MAN2A2: variants seen among roughly 807,000 people sequenced by gnomAD.
MAN2A2 encodes the protein alpha-mannosidase 2x.
In MAN2A2, 79 loss-of-function variants were observed where a neutral mutation model predicts 126.8. That is an observed-to-expected ratio of 0.62 (90% CI 0.52 to 0.75). The LOEUF is 0.75. Ranked by LOEUF, MAN2A2 falls within the 30% of genes least tolerant of loss-of-function variation. The pLI, the probability that MAN2A2 is intolerant of heterozygous loss-of-function variation, is 0.00. For missense variants in MAN2A2, 1,392 were observed against 1,522.4 expected (o/e 0.91, Z 1.43); for synonymous variants, 671 against 618.7 (o/e 1.08, Z -1.25).
chr15:90,919,075 C>G (rs756106116), intron 22 of MAN2A2, among the ~76,000 whole-genome samples: 1 of 152,200 alleles, frequency 6.6e-6, no homozygotes, highest in African/African-American at 2.4e-5. Flanking sequence ...TAAATGTCCC[C>G]GGGTGCCAGG....
In MAN2A2 at chr15:90,905,662, G is replaced by T. The variant is rs748811916; in HGVS notation, c.474G>T (p.Pro158=). The change falls in exon 4 of 23, where the codon CCG becomes CCT. Residue 158 remains proline, a synonymous_variant. Transcript: ENST00000559717. ...WRQGFDISYD[P]HDWDAEDLQV... The stretch of plus-strand genomic sequence containing the variant: ...AAGGCTTCGACATCTCCTACGACCC[G>T]CACGACTGGGATGCTGAAGACCTGC... 5 of 1,614,124 alleles carry T rather than the reference G, an allele frequency of 3.1e-6. No homozygotes were observed. Among genetic ancestry groups the T allele is most frequent in the Admixed American group, 1.7e-5 (1 of 60,020 alleles).
At position 90,910,152 on chromosome 15, in the gene MAN2A2, A is replaced by C; in HGVS notation, c.1437A>C (p.Pro479=). 6.2e-7 allele frequency: 1 copy of C among 1,614,066 alleles called. No homozygotes were observed. Among genetic ancestry groups the C allele is most frequent in the Non-Finnish European group, 8.5e-7 (1 of 1,179,996 alleles). ...DALYKRTGVE[P]GARPPGFPVL... ...TGTACAAGAGGACAGGGGTGGAGCCAGGGGCCCGGCCTCCAGGGTTTCCTG... is the reference window on the plus strand; with the variant it reads ...TGTACAAGAGGACAGGGGTGGAGCCCGGGGCCCGGCCTCCAGGGTTTCCTG... The change falls in exon 10 of 23, where the codon CCA becomes CCC. Residue 479 remains proline, a synonymous_variant. Transcript: ENST00000559717.
chr15:90,906,102 A>G (rs925587295), intron 5 of MAN2A2, 86 bp downstream of exon 5: 5 of 1,568,558 alleles, frequency 3.2e-6, no homozygotes, highest in Admixed American at 1.7e-5. Flanking sequence ...ATGGGTGCCA[A>G]GGTGGCAGGG....
At position 90,904,261 on chromosome 15, in the gene MAN2A2, A is replaced by C. The variant is rs2034068700; in HGVS notation, c.54A>C (p.Ala18=). The C allele has an allele frequency of 6.2e-7, 1 of 1,614,092 alleles. No homozygotes were observed. The highest frequency in any genetic ancestry group is 1.7e-5 in the Admixed American group (1 of 60,002). ...GTGGGGCTGCCATCTTCTGTGTGGCAGTCTTCTCGCTCTACCTCATGCTGG... is the reference window on the plus strand; with the variant it reads ...GTGGGGCTGCCATCTTCTGTGTGGCCGTCTTCTCGCTCTACCTCATGCTGG... The part of the protein sequence containing the change: ...TVCGAAIFCV[A]VFSLYLMLDR... The change falls in exon 2 of 23, where the codon GCA becomes GCC. Residue 18 remains alanine, a synonymous_variant. Transcript: ENST00000559717.
chr15:90,911,273 G>A, intron 13 of MAN2A2, 35 bp downstream of exon 13: 1 of 1,613,626 alleles, frequency 6.2e-7, no homozygotes, highest in Non-Finnish European at 8.5e-7. Context: ...GAGAGGCAGA[G>A]CCATTCCCTG....
chr15:90,910,194 C>T lies in MAN2A2; in HGVS notation c.1479C>T (p.Phe493=), dbSNP rs2034612676. 6 of 1,614,192 alleles carry T rather than the reference C, an allele frequency of 3.7e-6. No homozygotes were observed. The highest frequency in any genetic ancestry group is 5.1e-6 in the Non-Finnish European group (6 of 1,180,026). ...PPGFPVLSGD[F]FSYADREDHY... ...GGTTTCCTGTGCTGAGCGGGGATTTCTTCTCCTATGCGGACCGGGAGGATC... is the reference window on the plus strand; with the variant it reads ...GGTTTCCTGTGCTGAGCGGGGATTTTTTCTCCTATGCGGACCGGGAGGATC... Residue 493 remains phenylalanine (F), a synonymous_variant, in exon 10 of 23, where the codon TTC becomes TTT. Coordinates refer to ENST00000559717, the MANE Select transcript of MAN2A2 (RefSeq NM_006122.4).
rs760197681 is a variant in MAN2A2 at position 90,913,624 on chromosome 15, G to A, written c.2729G>A (p.Arg910Gln). The change falls in exon 19 of 23, where the codon CGA (arginine) becomes CAA (glutamine). Residue 910 changes from arginine (R) to glutamine (Q), a missense_variant. Coordinates refer to ENST00000559717, the MANE Select transcript of MAN2A2 (RefSeq NM_006122.4). Reference protein sequence around the residue: ...TDLNGFQVQPRRYLKKLPLQA... With the variant: ...TDLNGFQVQPQRYLKKLPLQA... ...GCCTTGCCCCCACAGGTGCAGCCCC[G>A]ACGGTATCTGAAGAAGCTCCCCCTC... The A allele has an allele frequency of 3.7e-6, 6 of 1,612,220 alleles. No homozygotes were observed. The highest frequency in any genetic ancestry group is 1.1e-5 in the South Asian group (1 of 90,676).
At chr15:90,913,070 C>G in intron 17 of MAN2A2, 79 bp downstream of exon 17, 3 of 1,259,776 alleles carry the variant, frequency 2.4e-6, no homozygotes, top group Non-Finnish European at 3.4e-6. Context: ...TCTGCTGCTT[C>G]TCTGTTCATA....
intron 18 of MAN2A2, 98 bp from the exon 19 acceptor site, chr15:90,913,516 T>C: frequency 6.4e-7 from 1 of 1,563,256 alleles, no homozygotes; most frequent in Non-Finnish European, 8.7e-7. Flanking sequence ...GAAAGATGAA[T>C]GAGAGGCGAA....
chr15:90,905,276 G>C lies in MAN2A2; in HGVS notation c.158G>C (p.Arg53Pro). The change falls in exon 3 of 23, where the codon CGC becomes CCC. Residue 53 changes from arginine (R) to proline (P), a missense_variant. Coordinates refer to ENST00000559717, the MANE Select transcript of MAN2A2 (RefSeq NM_006122.4). The part of the protein sequence containing the change: ...PRSQISVLQN[R>P]IEQLEQLLEE... ...AGCCAAATTTCTGTGCTGCAGAACC[G>C]CATTGAGCAGCTGGAGCAGCTTTTG... The C allele has an allele frequency of 1.2e-6, 2 of 1,613,272 alleles. No homozygotes were observed. The highest frequency in any genetic ancestry group is 8.5e-7 in the Non-Finnish European group (1 of 1,180,026).
Position 90,920,768 on chromosome 15 carries a change from A to G in MAN2A2, c.*981A>G, listed in dbSNP as rs2035507813. On this transcript the variant is annotated 3_prime_UTR_variant, in exon 23 of 23. Coordinates refer to ENST00000559717, the MANE Select transcript of MAN2A2 (RefSeq NM_006122.4). ...GAAGCCTCACCTTTAGTCTATCTGCAGAGGTATTCAGTTCCTGGCACAGGG... is the reference window on the plus strand; with the variant it reads ...GAAGCCTCACCTTTAGTCTATCTGCGGAGGTATTCAGTTCCTGGCACAGGG... 1 of 152,268 alleles carries G rather than the reference A, an allele frequency of 6.6e-6. No individual in the cohort carries two copies. Among genetic ancestry groups the G allele is most frequent in the South Asian group, 2.1e-4 (1 of 4,830 alleles). The allele number at this position is 152,268 out of a possible 1,614,324, so 9.4% of individuals were successfully genotyped here.
At chr15:90,907,266 G>A in intron 7 of MAN2A2, 43 bp from the exon 8 acceptor site, 3 of 1,589,686 alleles carry the variant, frequency 1.9e-6, no homozygotes, top group Non-Finnish European at 2.6e-6. Context: ...CTGGCGTCCA[G>A]AGGCTGCCTG....
In MAN2A2 at chr15:90,905,370, C is replaced by T; in HGVS notation, c.252C>T (p.Gly84=). 1.2e-6 allele frequency: 2 copies of T among 1,613,874 alleles called. No individual in the cohort carries two copies. Among genetic ancestry groups the T allele is most frequent in the Non-Finnish European group, 1.7e-6 (2 of 1,180,034 alleles). The change falls in exon 3 of 23, where the codon GGC becomes GGT. Residue 84 remains glycine (G), a synonymous_variant. Coordinates refer to ENST00000559717, the MANE Select transcript of MAN2A2 (RefSeq NM_006122.4). The part of the protein sequence containing the change: ...SVLELTANAE[G]PPAMLPYYTV... The stretch of plus-strand genomic sequence containing the variant: ...TGGAGCTGACAGCCAACGCAGAGGG[C>T]CCGCCCGCCATGCTGCCCTACTACA...
At chr15:90,912,334 T>C in intron 15 of MAN2A2, 55 bp downstream of exon 15, 2 of 1,595,048 alleles carry the variant, frequency 1.3e-6, no homozygotes, top group South Asian at 2.2e-5. Flanking sequence ...GCGTGTGTGG[T>C]GGTGGCACTG....
In MAN2A2 at chr15:90,916,841, C is replaced by T. The variant is rs192941109; in HGVS notation, c.2994+585C>T. ...GTGCTGACTCTCCCAGGAGTTTACT[C>T]GTGAGTAGGGGTGGCAGAGAAGCCA... On this transcript the variant is annotated intron_variant, in intron 20 of 22. Coordinates refer to ENST00000559717, the MANE Select transcript of MAN2A2 (RefSeq NM_006122.4). Among the ~76,000 whole-genome samples, 562 of 152,256 alleles carry T rather than the reference C, an allele frequency of 3.7e-3. 5 individuals carry two copies. Among genetic ancestry groups the T allele is most frequent in the Non-Finnish European group, 5.2e-3 (357 of 68,018 alleles).
rs2035438765 is a variant in MAN2A2, at chr15:90,919,530, C to A, written c.3301-105C>A. The A allele has an allele frequency of 5.1e-6, 7 of 1,377,370 alleles. 1 individual carries two copies. The highest frequency in any genetic ancestry group is 2.6e-5 in the South Asian group (2 of 76,838). 85.3% of individuals were successfully genotyped at this position (1,377,370 alleles called of 1,614,324 possible). A position where few individuals can be genotyped will look rare whatever the true frequency, so the allele number is the denominator to read the frequency against. ...CTGGGATTACAGGTGTGAGCCACTGCCCCTGGCTGAGATTCTTAAAGAGGT... is the reference window on the plus strand; with the variant it reads ...CTGGGATTACAGGTGTGAGCCACTGACCCTGGCTGAGATTCTTAAAGAGGT... On this transcript the variant is annotated intron_variant, in intron 22 of 22. Transcript: ENST00000559717.
Position 90,906,456 on chromosome 15 carries a change from A to T in MAN2A2, c.794A>T (p.Asp265Val). The part of the protein sequence containing the change: ...EANSHYFALI[D>V]QLIEGHQWLE... ...AATTCCCACTACTTTGCATTGATTG[A>T]CCAGCTCATCGAAGGACACCAGTGG... The change falls in exon 6 of 23, where the codon GAC becomes GTC. Residue 265 changes from aspartate to valine, a missense_variant. Transcript: ENST00000559717. 1 of 1,614,128 alleles carries T rather than the reference A, an allele frequency of 6.2e-7. No individual in the cohort carries two copies. The highest frequency in any genetic ancestry group is 1.3e-5 in the African/African-American group (1 of 75,030).
chr15:90,907,374 A>G lies in MAN2A2; in HGVS notation c.1075A>G (p.Thr359Ala). 1 of 1,613,940 alleles carries G rather than the reference A, an allele frequency of 6.2e-7. No individual in the cohort carries two copies. Among genetic ancestry groups the G allele is most frequent in the Non-Finnish European group, 8.5e-7 (1 of 1,179,960 alleles). The change falls in exon 8 of 23, where the codon ACC (threonine) becomes GCC (alanine). Residue 359 changes from threonine (T) to alanine (A), a missense_variant. Coordinates refer to ENST00000559717, the MANE Select transcript of MAN2A2 (RefSeq NM_006122.4). ...CTTCTACAGCTATGACGTCCCCCATACCTGTGGCCCAGATCCCAAGATCTG... is the reference window on the plus strand; with the variant it reads ...CTTCTACAGCTATGACGTCCCCCATGCCTGTGGCCCAGATCCCAAGATCTG... ...MPFYSYDVPH[T>A]CGPDPKICCQ...
At chr15:90,914,515 C>CT (rs1266194488) in intron 19 of MAN2A2, among the ~76,000 whole-genome samples, 6 of 151,506 alleles carry the variant, frequency 4.0e-5, no homozygotes, top group Non-Finnish European at 7.4e-5. Context: ...GACTGACGTT[C>CT]TTTTTTTTTG....
Sources: gnomAD v4.1 joint callset for allele counts (sites outside exome capture counted in the v4.1 genomes callset) on GRCh38, gnomAD v4.1.1 for gene constraint, MANE v1.5 for transcripts, NCBI Gene and HGNC (gene_info 2026-07-23, HGNC 2026-07-21) for gene names.